Variants in EPHA6 observed in about 807,000 individuals in gnomAD.
EPHA6 encodes EPH receptor A6.
A neutral mutation model predicts 112.0 loss-of-function variants in EPHA6; 50 were observed. The observed-to-expected ratio is 0.45, with a 90% CI of 0.36 to 0.56. The LOEUF is 0.56. EPHA6 is among the 20% of genes least tolerant of loss of function. The pLI, the probability that EPHA6 is intolerant of heterozygous loss-of-function variation, is 0.00. For missense variants in EPHA6, 1,280 were observed against 1,417.4 expected (o/e 0.90, Z 1.56); for synonymous variants, 529 against 490.7 (o/e 1.08, Z -1.03).
chr3:96,979,042 G>C (rs2042645922), intron 2 of EPHA6, among the ~76,000 whole-genome samples: 1 of 151,950 alleles, frequency 6.6e-6, no homozygotes, highest in Admixed American at 6.6e-5. Flanking sequence ...TACTAAAACA[G>C]AATTTACAGG....
chr3:97,106,480 G>A (rs532013181), intron 3 of EPHA6, among the ~76,000 whole-genome samples: 2 of 152,070 alleles, frequency 1.3e-5, no homozygotes, highest in Admixed American at 1.3e-4. Flanking sequence ...AGGCCGCTGA[G>A]CAGCCTGACT....
intron 12 of EPHA6, among the ~76,000 whole-genome samples, chr3:97,601,716 G>T (rs984815019): frequency 6.6e-6 from 1 of 151,728 alleles, no homozygotes; most frequent in Non-Finnish European, 1.5e-5. Flanking sequence ...TGGGGGTGGG[G>T]GGAAGGAAAG....
At chr3:97,045,383 C>T (rs1056743117) in intron 3 of EPHA6, among the ~76,000 whole-genome samples, 3 of 151,804 alleles carry the variant, frequency 2.0e-5, no homozygotes, top group East Asian at 1.9e-4. Flanking sequence ...ATAAAATTGC[C>T]GTAAATAGCA....
At chr3:97,096,254 CACAT>C (rs1267377462) in intron 3 of EPHA6, among the ~76,000 whole-genome samples, 1 of 146,148 alleles carries the variant, frequency 6.8e-6, no homozygotes, top group African/African-American at 2.7e-5. Context: ...TACACACACA[CACAT>C]ACACACACAT....
chr3:97,720,189 A>G (rs1162459900), intron 14 of EPHA6, 72 bp from the exon 15 acceptor site: 11 of 1,312,126 alleles, frequency 8.4e-6, no homozygotes, highest in African/African-American at 1.5e-5. Context: ...AATAAAAAAT[A>G]TTTAATTGGA....
Position 97,689,657 on chromosome 3 carries a change from C to T in EPHA6, c.2785-30604C>T, listed in dbSNP as rs979056814. 1.4e-4 allele frequency among the ~76,000 whole-genome samples: 22 copies of T among 152,168 alleles called. 1 individual carries two copies. The highest frequency in any genetic ancestry group is 5.1e-4 in the African/African-American group (21 of 41,422). On this transcript the variant is annotated intron_variant, in intron 14 of 17. Transcript: ENST00000389672. ...GACAATTAAGATATTATTTACATAACAGAAATGTCGATCATTTAAAGTGTT... is the reference window on the plus strand; with the variant it reads ...GACAATTAAGATATTATTTACATAATAGAAATGTCGATCATTTAAAGTGTT...
intron 5 of EPHA6, among the ~76,000 whole-genome samples, chr3:97,272,598 A>G (rs917340484): frequency 1.3e-5 from 2 of 151,830 alleles, no homozygotes; most frequent in Non-Finnish European, 2.9e-5. Flanking sequence ...CCGTTTTATA[A>G]GATTTGGGTA....
At chr3:96,893,090 C>T (rs1002372110) in intron 2 of EPHA6, among the ~76,000 whole-genome samples, 10 of 151,880 alleles carry the variant, frequency 6.6e-5, no homozygotes, top group African/African-American at 1.5e-4. Context: ...TTGCCTGTGA[C>T]GTTGTAGCTA....
chr3:97,168,925 A>C (rs1364816818), intron 3 of EPHA6, among the ~76,000 whole-genome samples: 1 of 152,158 alleles, frequency 6.6e-6, no homozygotes, highest in Non-Finnish European at 1.5e-5. Flanking sequence ...AGGGATCAGA[A>C]AAGACAGGAA....
intron 15 of EPHA6, among the ~76,000 whole-genome samples, chr3:97,721,834 C>G (rs1256763814): frequency 6.6e-6 from 1 of 152,174 alleles, no homozygotes; most frequent in South Asian, 2.1e-4. Flanking sequence ...AACTGAATTC[C>G]AGAGGCATAA....
chr3:97,609,304 G>A (rs1042149336), intron 12 of EPHA6, among the ~76,000 whole-genome samples: 4 of 151,132 alleles, frequency 2.6e-5, no homozygotes, highest in Non-Finnish European at 5.9e-5. Context: ...TCCCCACCTT[G>A]CTACCTCAGT....
chr3:97,275,028 G>A (rs888838108), intron 5 of EPHA6, among the ~76,000 whole-genome samples: 1 of 152,174 alleles, frequency 6.6e-6, no homozygotes, highest in Non-Finnish European at 1.5e-5. Context: ...GTGATTTTTA[G>A]GGCCTCTAAA....
chr3:96,863,593 A>G (rs556703458), intron 1 of EPHA6, among the ~76,000 whole-genome samples: 1 of 152,150 alleles, frequency 6.6e-6, no homozygotes, highest in South Asian at 2.1e-4. Context: ...GAAGATACTA[A>G]GAAACAACAA....
At chr3:97,022,879 G>C (rs1681224794) in intron 3 of EPHA6, among the ~76,000 whole-genome samples, 1 of 152,154 alleles carries the variant, frequency 6.6e-6, no homozygotes, top group African/African-American at 2.4e-5. Context: ...TTTTCTGCCT[G>C]AATGAGTATT....
chr3:97,427,557 G>A (rs1376805848), intron 6 of EPHA6, among the ~76,000 whole-genome samples: 2 of 151,908 alleles, frequency 1.3e-5, no homozygotes, highest in Non-Finnish European at 2.9e-5. Flanking sequence ...AGTGGGAGGA[G>A]GAAGAGGGCC....
chr3:97,070,113 C>A (rs1178229051), intron 3 of EPHA6, among the ~76,000 whole-genome samples: 1 of 152,104 alleles, frequency 6.6e-6, no homozygotes, highest in Non-Finnish European at 1.5e-5. Flanking sequence ...GAGCTTTTCT[C>A]CTATTTGACT....
At chr3:97,020,751 A>C (rs2001023) in intron 3 of EPHA6, among the ~76,000 whole-genome samples, 48,948 of 151,940 alleles carry the variant, frequency 0.32, 8,586 homozygotes, top group African/African-American at 0.47. Flanking sequence ...AAATATAGAC[A>C]CACCTTTAGG....
intron 4 of EPHA6, among the ~76,000 whole-genome samples, chr3:97,231,420 C>A (rs2078521889): frequency 6.6e-6 from 1 of 152,198 alleles, no homozygotes; most frequent in Non-Finnish European, 1.5e-5. Flanking sequence ...GCTACTCTTT[C>A]ACCCTCTCTG....
At chr3:97,648,900 G>C (rs1294929908) in intron 14 of EPHA6, among the ~76,000 whole-genome samples, 3 of 152,050 alleles carry the variant, frequency 2.0e-5, no homozygotes, top group African/African-American at 7.2e-5. Context: ...ACTGTGCTAA[G>C]ATACAATACG....
Sources: gnomAD v4.1 joint callset for allele counts (sites outside exome capture counted in the v4.1 genomes callset) on GRCh38, gnomAD v4.1.1 for gene constraint, MANE v1.5 for transcripts, NCBI Gene and HGNC (gene_info 2026-07-23, HGNC 2026-07-21) for gene names.